The following CDH13 variants were observed in gnomAD, a reference collection of about 807,000 sequenced individuals.
The protein encoded by CDH13 is cadherin 13.
Under a neutral mutation model 63.8 loss-of-function variants are expected in CDH13, and 24 were observed. That is an observed-to-expected ratio of 0.38 (90% CI 0.27 to 0.53). The LOEUF (loss-of-function observed/expected upper bound fraction) is 0.53. Ranked by LOEUF, CDH13 falls within the 20% of genes least tolerant of loss-of-function variation. The pLI is 0.85. For missense variants in CDH13, 1,049 were observed against 903.1 expected (o/e 1.16, Z -2.07); for synonymous variants, 503 against 355.3 (o/e 1.42, Z -4.67).
chr16:82,866,290 C>T (rs1158724071), intron 2 of CDH13, among the ~76,000 whole-genome samples: 1 of 151,768 alleles, frequency 6.6e-6, no homozygotes, highest in Non-Finnish European at 1.5e-5. Context: ...AAATTTGCTT[C>T]CTCATTTTTG....
At chr16:83,522,966 C>T (rs141396943) in intron 7 of CDH13, among the ~76,000 whole-genome samples, 231 of 152,330 alleles carry the variant, frequency 1.5e-3, no homozygotes, top group Middle Eastern at 0.01. Flanking sequence ...GTGCTGTTCC[C>T]TCTGCCTAGA....
intron 2 of CDH13, among the ~76,000 whole-genome samples, chr16:82,875,104 G>A (rs1320161366): frequency 6.6e-6 from 1 of 152,186 alleles, no homozygotes; most frequent in Non-Finnish European, 1.5e-5. Context: ...CATTTTTGGG[G>A]CATGACCAAG....
At chr16:83,517,291 A>G (rs925380160) in intron 7 of CDH13, among the ~76,000 whole-genome samples, 2 of 152,254 alleles carry the variant, frequency 1.3e-5, no homozygotes, top group African/African-American at 2.4e-5. Flanking sequence ...TGAAATATTA[A>G]TCAGGGCTAG....
chr16:83,194,096 G>T (rs2038804621), intron 4 of CDH13, among the ~76,000 whole-genome samples: 1 of 152,182 alleles, frequency 6.6e-6, no homozygotes, highest in African/African-American at 2.4e-5. Context: ...AATTTTCAAG[G>T]ACAGCTCGTT....
intron 2 of CDH13, among the ~76,000 whole-genome samples, chr16:82,885,182 A>C (rs1055811043): frequency 2.6e-5 from 4 of 152,220 alleles, no homozygotes; most frequent in Admixed American, 6.5e-5. Flanking sequence ...TATTATGAGC[A>C]CTACTCTTAT....
rs955103442 is a variant in CDH13, at chr16:83,122,005, G to A, written c.367-3380G>A. 6.7e-5 allele frequency among the ~76,000 whole-genome samples: 10 copies of A among 149,538 alleles called. No individual in the cohort carries two copies. The East Asian group carries it at 9.7e-4, about 15-fold the overall frequency. ...ACACACACACACACACTTTTATGGGGCCTTGGGGCCAAAGATGGAATGAAA... is the reference window on the plus strand; with the variant it reads ...ACACACACACACACACTTTTATGGGACCTTGGGGCCAAAGATGGAATGAAA... On this transcript the variant is annotated intron_variant, in intron 3 of 13. Transcript: ENST00000567109.
intron 10 of CDH13, among the ~76,000 whole-genome samples, chr16:83,679,947 T>C (rs956251625): frequency 2.6e-5 from 4 of 152,132 alleles, no homozygotes; most frequent in African/African-American, 9.7e-5. Context: ...TGGAGGTGTC[T>C]GGGACCCAGG....
intron 6 of CDH13, among the ~76,000 whole-genome samples, chr16:83,463,685 C>G (rs1313625055): frequency 6.6e-6 from 1 of 152,110 alleles, no homozygotes; most frequent in Non-Finnish European, 1.5e-5. Context: ...CACCTGTGGT[C>G]CTAGAAACTT....
At chr16:82,779,427 C>T (rs1412927331) in intron 1 of CDH13, among the ~76,000 whole-genome samples, 3 of 152,164 alleles carry the variant, frequency 2.0e-5, no homozygotes, top group Non-Finnish European at 2.9e-5. Context: ...GCTCCTAACA[C>T]AGCAGTTCTC....
intron 6 of CDH13, among the ~76,000 whole-genome samples, chr16:83,412,298 C>T (rs2092139875): frequency 6.6e-6 from 1 of 152,126 alleles, no homozygotes; most frequent in African/African-American, 2.4e-5. Context: ...CCCATCTCTA[C>T]TAAAAATACA....
At chr16:83,034,361 G>C (rs1350050061) in intron 3 of CDH13, among the ~76,000 whole-genome samples, 1 of 152,114 alleles carries the variant, frequency 6.6e-6, no homozygotes, top group South Asian at 2.1e-4. Flanking sequence ...GTTAAGGATA[G>C]ATGGCAACCT....
chr16:83,224,861 G>A (rs773295565), intron 5 of CDH13, among the ~76,000 whole-genome samples: 7 of 152,188 alleles, frequency 4.6e-5, no homozygotes, highest in Non-Finnish European at 8.8e-5. Context: ...TTCCGGAATT[G>A]GGAGCCAGCC....
intron 4 of CDH13, among the ~76,000 whole-genome samples, chr16:83,137,004 A>G (rs921890746): frequency 5.3e-5 from 8 of 152,252 alleles, no homozygotes; most frequent in South Asian, 2.1e-4. Flanking sequence ...ATGAAGGAGT[A>G]GGGTTGACTT....
intron 1 of CDH13, among the ~76,000 whole-genome samples, chr16:82,834,983 C>G (rs1597744353): frequency 6.6e-6 from 1 of 152,170 alleles, no homozygotes; most frequent in African/African-American, 2.4e-5. Context: ...CAGGCCTGCT[C>G]TGGAGTCCTC....
chr16:83,156,047 G>A (rs1267191010), intron 4 of CDH13, among the ~76,000 whole-genome samples: 1 of 152,216 alleles, frequency 6.6e-6, no homozygotes, highest in Non-Finnish European at 1.5e-5. Flanking sequence ...AGCATCTGGT[G>A]TGGGTCTGAA....
intron 8 of CDH13, among the ~76,000 whole-genome samples, chr16:83,644,744 C>T (rs1229813380): frequency 6.6e-6 from 1 of 152,140 alleles, no homozygotes; most frequent in Non-Finnish European, 1.5e-5. Flanking sequence ...TGGTTCACAT[C>T]AGCAGTGGGG....
At chr16:82,775,820 T>A (rs1431330885) in intron 1 of CDH13, among the ~76,000 whole-genome samples, 1 of 152,152 alleles carries the variant, frequency 6.6e-6, no homozygotes, top group Admixed American at 6.5e-5. Flanking sequence ...GTGAGGGACA[T>A]ATCCTTTTCC....
intron 3 of CDH13, among the ~76,000 whole-genome samples, chr16:83,109,682 C>T (rs1390770995): frequency 9.9e-4 from 151 of 152,128 alleles, no homozygotes; most frequent in Non-Finnish European, 4.4e-5. Context: ...GGCAGGAGTA[C>T]ATATGTGTAT....
At chr16:83,305,294 A>G (rs1189078929) in intron 5 of CDH13, among the ~76,000 whole-genome samples, 1 of 152,182 alleles carries the variant, frequency 6.6e-6, no homozygotes, top group African/African-American at 2.4e-5. Context: ...GGAGTGAGGA[A>G]ATTCCTTAAC....
Sources: allele counts gnomAD v4.1 joint callset (sites outside exome capture counted in the v4.1 genomes callset), GRCh38; gene constraint gnomAD v4.1.1; transcripts MANE v1.5; gene names NCBI Gene and HGNC (gene_info 2026-07-23, HGNC 2026-07-21).